The following PHIP variants were observed in gnomAD, a reference collection of about 807,000 sequenced individuals.
The protein encoded by PHIP is PHIP subunit of CUL4-Ring ligase complex, also known as PH-interacting protein.
In PHIP, 54 loss-of-function variants were observed where a neutral mutation model predicts 236.8. The observed-to-expected ratio is 0.23, with a 90% confidence interval of 0.18 to 0.29. PHIP has a LOEUF of 0.29. PHIP is among the 10% of genes least tolerant of loss of function. The pLI is 1.00. For missense variants in PHIP, 1,370 were observed against 2,190.8 expected (o/e 0.63, Z 7.48); for synonymous variants, 756 against 718.9 (o/e 1.05, Z -0.83).
intron 6 of PHIP, among the ~76,000 whole-genome samples, chr6:79,048,421 T>A (rs934300131): frequency 6.6e-6 from 1 of 152,124 alleles, no homozygotes; most frequent in East Asian, 1.9e-4. Flanking sequence ...AGTAAATACA[T>A]TTTTGAAGGC....
At chr6:79,001,524 G>A (rs1769996075) in intron 17 of PHIP, among the ~76,000 whole-genome samples, 1 of 151,990 alleles carries the variant, frequency 6.6e-6, no homozygotes. Context: ...CCCATTCCAT[G>A]AAAGCAAGGA....
chr6:79,061,201 T>C lies in PHIP; in HGVS notation c.190-383A>G, dbSNP rs546150006. ...AAACCATGACATGAAATGCTAATAT[T>C]TTTATTAGTCTTTCAGTAAATAAAC... On this transcript the variant is annotated intron_variant, in intron 4 of 39. Coordinates refer to ENST00000275034, the MANE Select transcript of PHIP (RefSeq NM_017934.7). Among the ~76,000 whole-genome samples the C allele has an allele frequency of 2.2e-4, 34 of 152,310 alleles. No individual in the cohort carries two copies. The South Asian group carries it at 6.2e-3, about 28-fold the overall frequency.
chr6:79,074,960 T>C (rs931062318), intron 4 of PHIP, among the ~76,000 whole-genome samples: 3 of 152,166 alleles, frequency 2.0e-5, no homozygotes, highest in Non-Finnish European at 4.4e-5. Flanking sequence ...CCATTTAAAA[T>C]ATTGCTCAGT....
chr6:79,052,033 T>C (rs1424208865), intron 6 of PHIP, among the ~76,000 whole-genome samples: 1 of 152,096 alleles, frequency 6.6e-6, no homozygotes. Flanking sequence ...AGAAAAGACA[T>C]GGTACTTACC....
At chr6:79,023,145 C>T (rs1771207548) in intron 9 of PHIP, among the ~76,000 whole-genome samples, 1 of 152,174 alleles carries the variant, frequency 6.6e-6, no homozygotes, top group Non-Finnish European at 1.5e-5. Flanking sequence ...GTGGTGAGAT[C>T]ACAGCTCACT....
At chr6:79,038,523 T>C (rs1320601382) in intron 7 of PHIP, among the ~76,000 whole-genome samples, 1 of 152,200 alleles carries the variant, frequency 6.6e-6, no homozygotes. Flanking sequence ...ACCCAAAGGA[T>C]GTTTTTCAGT....
intron 15 of PHIP, among the ~76,000 whole-genome samples, chr6:79,007,680 C>T (rs1195058560): frequency 7.6e-6 from 1 of 131,868 alleles, no homozygotes; most frequent in Non-Finnish European, 1.6e-5. Context: ...TTTTTTTAAG[C>T]ACACCGTTCA....
intron 20 of PHIP, among the ~76,000 whole-genome samples, 188 bp from the exon 21 acceptor site, chr6:78,988,537 T>C (rs1769013262): frequency 6.6e-6 from 1 of 152,168 alleles, no homozygotes; most frequent in African/African-American, 2.4e-5. Flanking sequence ...ATTGCACCAC[T>C]GCACTACAGC....
chr6:79,075,256 T>TA (rs1402456938), intron 4 of PHIP, among the ~76,000 whole-genome samples: 1 of 152,088 alleles, frequency 6.6e-6, no homozygotes, highest in African/African-American at 2.4e-5. Context: ...CTCACACACC[T>TA]AGATATACAG....
chr6:79,033,286 CCTG>C lies in PHIP; in HGVS notation c.601-7125_601-7123del, dbSNP rs565173966. 2.7e-4 allele frequency among the ~76,000 whole-genome samples: 41 copies of C among 152,254 alleles called. No homozygotes were observed. The East Asian group carries it at 7.7e-3, about 29-fold the overall frequency. On this transcript the variant is annotated intron_variant, in intron 7 of 39. Coordinates refer to ENST00000275034, the MANE Select transcript of PHIP (RefSeq NM_017934.7). ...CATCAGCCCTGAACAAAAGAGTCAG[CCTG>C]CTTTTTGAAGCTTTGAAGCCAGGCA...
chr6:78,981,075 T>C (rs1433767810), intron 23 of PHIP, among the ~76,000 whole-genome samples: 1 of 152,018 alleles, frequency 6.6e-6, no homozygotes, highest in Non-Finnish European at 1.5e-5. Context: ...GAATGTTTGG[T>C]TGAGGAAGAT....
intron 4 of PHIP, among the ~76,000 whole-genome samples, chr6:79,066,464 T>G (rs565299327): frequency 6.6e-6 from 1 of 152,296 alleles, no homozygotes; most frequent in African/African-American, 2.4e-5. Flanking sequence ...CATAGCAATC[T>G]AACTCTGGAC....
At chr6:79,027,278 A>AC (rs1219566608) in intron 7 of PHIP, among the ~76,000 whole-genome samples, 1 of 151,906 alleles carries the variant, frequency 6.6e-6, no homozygotes, top group Non-Finnish European at 1.5e-5. Flanking sequence ...TACCTAAAAC[A>AC]CCCCCCAATT....
intron 4 of PHIP, among the ~76,000 whole-genome samples, chr6:79,072,516 G>A (rs572111578): frequency 6.6e-6 from 1 of 150,998 alleles, no homozygotes; most frequent in Admixed American, 6.6e-5. Context: ...GGGTATCACT[G>A]TGTCACCCAC....
intron 6 of PHIP, among the ~76,000 whole-genome samples, chr6:79,050,841 T>C (rs1351920492): frequency 3.3e-5 from 5 of 152,158 alleles, no homozygotes; most frequent in East Asian, 1.9e-4. Context: ...AGAATGACAA[T>C]TGCGTATTTG....
chr6:79,061,939 C>A (rs1219347316), intron 4 of PHIP, among the ~76,000 whole-genome samples: 4 of 152,036 alleles, frequency 2.6e-5, no homozygotes, highest in Non-Finnish European at 5.9e-5. Flanking sequence ...TTAAAGGTAG[C>A]TAATACCCAT....
At chr6:79,047,997 A>G (rs1406041053) in intron 6 of PHIP, among the ~76,000 whole-genome samples, 1 of 150,740 alleles carries the variant, frequency 6.6e-6, no homozygotes. Context: ...TTATATATAC[A>G]TATGTATTTT....
intron 35 of PHIP, among the ~76,000 whole-genome samples, chr6:78,953,773 A>T (rs921748215): frequency 1.3e-5 from 2 of 152,098 alleles, no homozygotes; most frequent in Admixed American, 6.5e-5. Flanking sequence ...TTTAGTAGAG[A>T]CGGGATTTTA....
intron 35 of PHIP, among the ~76,000 whole-genome samples, chr6:78,950,477 C>T (rs1204847126): frequency 3.9e-5 from 6 of 152,112 alleles, no homozygotes; most frequent in Admixed American, 1.3e-4. Context: ...CAGGACTAGA[C>T]ATTTGTTTTT....
Sources: allele counts gnomAD v4.1 joint callset (sites outside exome capture counted in the v4.1 genomes callset), GRCh38; gene constraint gnomAD v4.1.1; transcripts MANE v1.5; gene names NCBI Gene and HGNC (gene_info 2026-07-23, HGNC 2026-07-21).